The following CADM2 variants were observed in gnomAD, a reference collection of about 807,000 sequenced individuals.
CADM2 encodes the protein cell adhesion molecule 2.
In CADM2, 12 loss-of-function variants were observed where a neutral mutation model predicts 49.8. The observed-to-expected ratio is 0.24, with a 90% CI of 0.15 to 0.39. CADM2 has a LOEUF of 0.39. Among genes scored for constraint, CADM2 ranks in the 10% least tolerant of loss-of-function variants. The pLI, the probability that CADM2 is intolerant of heterozygous loss-of-function variation, is 1.00. For synonymous variants in CADM2, 214 were observed against 175.4 expected, an observed-to-expected ratio of 1.22 and a Z score of -1.74; for missense variants, 378 against 492.3, an observed-to-expected ratio of 0.77 and a Z score of 2.20.
chr3:85,558,412 A>G (rs1256760105), intron 1 of CADM2, among the ~76,000 whole-genome samples: 1 of 152,000 alleles, frequency 6.6e-6, no homozygotes. Flanking sequence ...TAAAATCTAC[A>G]AAGAATGATT....
chr3:85,055,478 G>A (rs904604765), intron 1 of CADM2, among the ~76,000 whole-genome samples: 4 of 151,882 alleles, frequency 2.6e-5, no homozygotes, highest in African/African-American at 9.7e-5. Context: ...TCATCAGGTA[G>A]GATTTATTAA....
chr3:85,974,387 G>A (rs1726525140), intron 8 of CADM2, among the ~76,000 whole-genome samples: 1 of 151,640 alleles, frequency 6.6e-6, no homozygotes, highest in African/African-American at 2.4e-5. Context: ...CTAGGCTTAA[G>A]CTTCTTTCTC....
At chr3:85,217,081 T>C (rs2041944098) in intron 1 of CADM2, among the ~76,000 whole-genome samples, 1 of 151,918 alleles carries the variant, frequency 6.6e-6, no homozygotes, top group Non-Finnish European at 1.5e-5. Flanking sequence ...TACATTTACC[T>C]AAAATATTAA....
intron 1 of CADM2, among the ~76,000 whole-genome samples, chr3:85,196,306 T>TA (rs1427105374): frequency 6.6e-6 from 1 of 151,990 alleles, no homozygotes; most frequent in Non-Finnish European, 1.5e-5. Context: ...TTAACAAAAA[T>TA]AAAAATAAAT....
intron 2 of CADM2, among the ~76,000 whole-genome samples, chr3:85,780,964 C>A (rs1334091186): frequency 6.6e-6 from 1 of 152,030 alleles, no homozygotes; most frequent in Non-Finnish European, 1.5e-5. Flanking sequence ...GACCCAGGAG[C>A]CATGAAATCA....
chr3:85,628,568 C>CACAT (rs1196925654), intron 1 of CADM2, among the ~76,000 whole-genome samples: 119 of 143,054 alleles, frequency 8.3e-4, no homozygotes, highest in Middle Eastern at 7.4e-3. Context: ...CATATATATA[C>CACAT]ATATATACAC....
At chr3:85,903,747 G>A (rs566184507) in intron 5 of CADM2, among the ~76,000 whole-genome samples, 1 of 152,180 alleles carries the variant, frequency 6.6e-6, no homozygotes, top group East Asian at 1.9e-4. Context: ...CTTTCCTGTT[G>A]TCTCTGTTAA....
chr3:85,712,905 T>C (rs1467676758), intron 1 of CADM2, among the ~76,000 whole-genome samples: 1 of 152,222 alleles, frequency 6.6e-6, no homozygotes, highest in African/African-American at 2.4e-5. Context: ...GTGGCATATT[T>C]AATATGCATT....
chr3:85,869,176 A>G (rs944711343), intron 3 of CADM2, among the ~76,000 whole-genome samples: 1 of 152,152 alleles, frequency 6.6e-6, no homozygotes, highest in African/African-American at 2.4e-5. Context: ...AGTTCAGCTA[A>G]CTCGACAGAA....
chr3:85,193,823 G>A (rs1195004322), intron 1 of CADM2, among the ~76,000 whole-genome samples: 1 of 152,068 alleles, frequency 6.6e-6, no homozygotes, highest in Non-Finnish European at 1.5e-5. Flanking sequence ...AATGTTTCAT[G>A]CATTCAACAA....
intron 1 of CADM2, among the ~76,000 whole-genome samples, chr3:85,480,356 G>A (rs1439900086): frequency 3.3e-5 from 5 of 151,692 alleles, no homozygotes; most frequent in African/African-American, 4.8e-5. Context: ...ATATAATGAG[G>A]TGGTTAAAAG....
intron 1 of CADM2, among the ~76,000 whole-genome samples, chr3:85,275,784 G>A (rs1157174627): frequency 6.6e-6 from 1 of 150,660 alleles, no homozygotes; most frequent in Non-Finnish European, 1.5e-5. Context: ...AAAATAATAA[G>A]TAAATATAAA....
chr3:85,964,535 C>G (rs112219030), intron 8 of CADM2, among the ~76,000 whole-genome samples: 1,858 of 151,854 alleles, frequency 0.012, 42 homozygotes, highest in African/African-American at 0.041. Context: ...GTTAAAACCA[C>G]TGACATTTTG....
intron 8 of CADM2, chr3:86,014,383 T>C: frequency 1.4e-6 from 2 of 1,467,742 alleles, no homozygotes; most frequent in Non-Finnish European, 1.8e-6. Flanking sequence ...AGCTTGACTG[T>C]AGTACTGCAT....
intron 1 of CADM2, among the ~76,000 whole-genome samples, chr3:85,476,473 A>C (rs2038978941): frequency 1.3e-5 from 2 of 151,918 alleles, no homozygotes; most frequent in South Asian, 4.1e-4. Context: ...GAACGTAGAA[A>C]TATCCAATTG....
intron 1 of CADM2, among the ~76,000 whole-genome samples, chr3:85,538,681 G>A (rs1228009759): frequency 1.3e-5 from 2 of 151,748 alleles, no homozygotes; most frequent in African/African-American, 2.4e-5. Context: ...AATTGTTGAT[G>A]CAATTTCTAG....
intron 1 of CADM2, among the ~76,000 whole-genome samples, chr3:85,360,904 A>G (rs2032310173): frequency 6.6e-6 from 1 of 152,158 alleles, no homozygotes; most frequent in African/African-American, 2.4e-5. Context: ...GGGAACCATC[A>G]GCAGTGTGGC....
chr3:85,918,510 G>C (rs1474697346), intron 6 of CADM2, among the ~76,000 whole-genome samples: 1 of 152,126 alleles, frequency 6.6e-6, no homozygotes, highest in Non-Finnish European at 1.5e-5. Context: ...AAGCCCACTT[G>C]ATCATGGTGG....
At chr3:85,707,392 TC>T (rs1276885281) in intron 1 of CADM2, among the ~76,000 whole-genome samples, 3 of 114,552 alleles carry the variant, frequency 2.6e-5, no homozygotes, top group African/African-American at 9.9e-5. Flanking sequence ...TATCATTGTA[TC>T]TTTTTTTTTT....
Sources: gnomAD v4.1 joint callset for allele counts (sites outside exome capture counted in the v4.1 genomes callset) on GRCh38, gnomAD v4.1.1 for gene constraint, MANE v1.5 for transcripts, NCBI Gene and HGNC (gene_info 2026-07-23, HGNC 2026-07-21) for gene names.